Variants in GLOD5 observed in about 807,000 individuals in gnomAD.
The protein encoded by GLOD5 is glyoxalase domain-containing protein 5.
In GLOD5, 7 loss-of-function variants were observed where a neutral mutation model predicts 9.9. The observed-to-expected ratio is 0.71, with a 90% CI of 0.40 to 1.33. The LOEUF (loss-of-function observed/expected upper bound fraction) is 1.33. Among genes scored for constraint, GLOD5 ranks in the 40% most tolerant of loss-of-function variants. The pLI is 0.01. For missense variants in GLOD5, 146 were observed against 128.4 expected (o/e 1.14, Z -0.66); for synonymous variants, 49 against 47.3 (o/e 1.04, Z -0.14).
At chrX:48,763,507 T>C (rs1201883494) in intron 1 of GLOD5, among the ~76,000 whole-genome samples, 2 of 108,989 alleles carry the variant, frequency 1.8e-5, no homozygotes, top group Admixed American at 9.9e-5. Context: ...TAGTGAGCCC[T>C]CACCTCTACA....
chrX:48,766,985 C>CAAAAAAAAAA (rs782648787), intron 2 of GLOD5, among the ~76,000 whole-genome samples: 54 of 3,018 alleles, frequency 0.018, 22 homozygotes, highest in East Asian at 0.057. Context: ...GATTCCATCT[C>CAAAAAAAAAA]AAAAAAAAAA....
chrX:48,770,349 G>A (rs2062619169), intron 2 of GLOD5, among the ~76,000 whole-genome samples: 1 of 112,210 alleles, frequency 8.9e-6, no homozygotes, highest in South Asian at 3.6e-4. Context: ...AGGCATGTAG[G>A]AGAAAACTCA....
At chrX:48,762,446 T>C (rs1557016121) in intron 1 of GLOD5, 1 of 106,367 alleles carries the variant, frequency 9.4e-6, no homozygotes, top group East Asian at 2.9e-4. Context: ...CTTTTTTTTT[T>C]TTTTTTTTTG....
chrX:48,766,650 C>T (rs782817029), intron 2 of GLOD5, among the ~76,000 whole-genome samples: 165 of 110,099 alleles, frequency 1.5e-3, no homozygotes, highest in African/African-American at 5.4e-3. Context: ...ACTTGGGAGG[C>T]TGAGGCATGA....
Position 48,773,590 on chromosome X carries a change from A to G in GLOD5, c.*155A>G. On this transcript the variant is annotated 3_prime_UTR_variant, in exon 4 of 4. Transcript: ENST00000303227. ...GGGACCCAAGACAGGTTTGGGACCAAACCTACATGTCTGTATGTCATCAAA... is the reference window on the plus strand; with the variant it reads ...GGGACCCAAGACAGGTTTGGGACCAGACCTACATGTCTGTATGTCATCAAA... 1.9e-6 allele frequency: 1 copy of G among 526,796 alleles called. No homozygotes were observed. Among genetic ancestry groups the G allele is most frequent in the Non-Finnish European group, 3.1e-6 (1 of 324,629 alleles). 43.4% of individuals were successfully genotyped at this position (526,796 alleles called of 1,213,427 possible).
intron 1 of GLOD5, among the ~76,000 whole-genome samples, chrX:48,765,317 A>G (rs1331703905): frequency 9.0e-6 from 1 of 110,699 alleles, no homozygotes; most frequent in African/African-American, 3.3e-5. Context: ...CACCCCTGTA[A>G]TCCCAGCACT....
At chrX:48,764,533 A>G (rs1397533092) in intron 1 of GLOD5, among the ~76,000 whole-genome samples, 2 of 108,286 alleles carry the variant, frequency 1.8e-5, no homozygotes, top group East Asian at 2.9e-4. Flanking sequence ...TTTAAACGTC[A>G]ATCTGGTTCC....
At chrX:48,769,854 C>T (rs1557017150) in intron 2 of GLOD5, among the ~76,000 whole-genome samples, 3 of 107,233 alleles carry the variant, frequency 2.8e-5, no homozygotes, top group Non-Finnish European at 5.8e-5. Flanking sequence ...GTGGGGTGTG[C>T]CTGTGGTCCC....
intron 2 of GLOD5, among the ~76,000 whole-genome samples, chrX:48,767,602 C>T (rs980839716): frequency 5.4e-5 from 6 of 111,669 alleles, no homozygotes; most frequent in Admixed American, 1.9e-4. Context: ...CCCAGCTACT[C>T]GGGAGGCTGA....
At chrX:48,763,850 A>G (rs1430043612) in intron 1 of GLOD5, among the ~76,000 whole-genome samples, 4 of 112,628 alleles carry the variant, frequency 3.6e-5, no homozygotes, top group African/African-American at 1.3e-4. Context: ...CAACTTTGCT[A>G]ATGCCTCCTC....
chrX:48,768,491 A>G (rs1484439123), intron 2 of GLOD5, among the ~76,000 whole-genome samples: 1 of 111,973 alleles, frequency 8.9e-6, no homozygotes, highest in East Asian at 2.8e-4. Context: ...TGATGCCTCA[A>G]CCTCTGTACT....
chrX:48,765,932 T>C lies in GLOD5; in HGVS notation c.161T>C (p.Phe54Ser). Reference sequence around the variant, plus strand: ...AAGAGCATCAAAGACACCACCATGTTTTATTCCAAGATCCTGGGCATGGAG... The same window carrying C: ...AAGAGCATCAAAGACACCACCATGTCTTATTCCAAGATCCTGGGCATGGAG... The part of the protein sequence containing the change: ...TVKSIKDTTM[F>S]YSKILGMEVM... The change falls in exon 2 of 4, where the codon TTT becomes TCT. Residue 54 changes from phenylalanine (F) to serine (S), a missense_variant. By Grantham distance (155) the Phe-to-Ser change is radical. Coordinates refer to ENST00000303227, the MANE Select transcript of GLOD5 (RefSeq NM_001080489.3). 8.3e-7 allele frequency: 1 copy of C among 1,207,094 alleles called. No homozygotes were observed. The highest frequency in any genetic ancestry group is 1.1e-6 in the Non-Finnish European group (1 of 893,060).
In GLOD5 at chrX:48,761,845, G is replaced by C. The variant is rs781846304; in HGVS notation, c.55G>C (p.Glu19Gln). Residue 19 changes from glutamate to glutamine, a missense_variant, in exon 1 of 4, where the codon GAG becomes CAG. Glu to Gln is a conservative substitution (Grantham distance 29, BLOSUM62 2). Coordinates refer to ENST00000303227, the MANE Select transcript of GLOD5 (RefSeq NM_001080489.3). ...LPVKMWGRTL[E>Q]KQSWRDSSQT... is the part of the protein sequence containing the mutation. ...AGTCAAGATGTGGGGCAGGACTTTG[G>C]AGAAACAGGTGAACAAGATGGCCCC... 6.9e-6 allele frequency: 8 copies of C among 1,163,712 alleles called. No homozygotes were observed. The South Asian group carries it at 1.5e-4, about 22-fold the overall frequency.
intron 3 of GLOD5, among the ~76,000 whole-genome samples, chrX:48,773,100 G>A (rs782318344): frequency 2.0e-4 from 22 of 109,795 alleles, no homozygotes; most frequent in African/African-American, 7.0e-4. Context: ...GGTGGCATGC[G>A]CCTGTAATCC....
chrX:48,765,552 T>C, intron 1 of GLOD5: 2 of 295,489 alleles, frequency 6.8e-6, no homozygotes, highest in Non-Finnish European at 1.2e-5. Context: ...CACTCCAGCC[T>C]GGGCAACAGA....
At chrX:48,762,189 C>T (rs1362662172) in intron 1 of GLOD5, 2 of 171,627 alleles carry the variant, frequency 1.2e-5, no homozygotes, top group South Asian at 2.4e-4. Flanking sequence ...GGAAACACAG[C>T]GCTGACCTTG....
chrX:48,772,621 C>T (rs1388677037), intron 3 of GLOD5, among the ~76,000 whole-genome samples: 1 of 111,355 alleles, frequency 9.0e-6, no homozygotes, highest in African/African-American at 3.3e-5. Flanking sequence ...TGCAAATAAC[C>T]TAGACTCCTT....
At chrX:48,769,339 T>C (rs1210119654) in intron 2 of GLOD5, among the ~76,000 whole-genome samples, 3 of 88,098 alleles carry the variant, frequency 3.4e-5, no homozygotes, top group Non-Finnish European at 6.7e-5. Flanking sequence ...CTACTGTCTC[T>C]ACAAAAAAAA....
chrX:48,767,364 T>C (rs2062612061), intron 2 of GLOD5, among the ~76,000 whole-genome samples: 1 of 112,289 alleles, frequency 8.9e-6, no homozygotes, highest in Non-Finnish European at 1.9e-5. Flanking sequence ...CAGTGGCTCA[T>C]GCCTATAATC....
Sources: gnomAD v4.1 joint callset for allele counts (sites outside exome capture counted in the v4.1 genomes callset) on GRCh38, gnomAD v4.1.1 for gene constraint, MANE v1.5 for transcripts, NCBI Gene and HGNC (gene_info 2026-07-23, HGNC 2026-07-21) for gene names.